JADE2: variants seen among roughly 807,000 people sequenced by gnomAD.
JADE2 encodes jade family PHD finger 2.
JADE2 carries 13 observed loss-of-function variants against 85.7 expected under a neutral mutation model. That is an observed-to-expected ratio of 0.15 (90% CI 0.10 to 0.24). The LOEUF (loss-of-function observed/expected upper bound fraction) is 0.24. JADE2 is among the 10% of genes least tolerant of loss of function. JADE2 has a pLI of 1.00. For missense variants in JADE2, 846 were observed against 1,115.9 expected, an observed-to-expected ratio of 0.76 and a Z score of 3.45; for synonymous variants, 440 against 456.1, an observed-to-expected ratio of 0.96 and a Z score of 0.45.
At chr5:134,573,113 C>G (rs949818654) in intron 9 of JADE2, among the ~76,000 whole-genome samples, 2 of 152,246 alleles carry the variant, frequency 1.3e-5, no homozygotes, top group Admixed American at 6.5e-5. Context: ...GCTGCAAGTA[C>G]CGGGGCCATT....
chr5:134,537,649 C>T (rs2097967515), intron 2 of JADE2, among the ~76,000 whole-genome samples: 1 of 152,172 alleles, frequency 6.6e-6, no homozygotes, highest in Non-Finnish European at 1.5e-5. Flanking sequence ...TAACCTGGGG[C>T]AGGGTGGAGT....
chr5:134,527,799 G>T (rs1330612007), intron 1 of JADE2, among the ~76,000 whole-genome samples: 2 of 152,206 alleles, frequency 1.3e-5, no homozygotes, highest in Non-Finnish European at 2.9e-5. Flanking sequence ...TTACCAGCTT[G>T]GCTGCTGGCC....
Position 134,539,206 on chromosome 5 carries a change from C to T in JADE2, c.153+1123C>T, listed in dbSNP as rs539569732. On this transcript the variant is annotated intron_variant, in intron 3 of 11. Coordinates refer to ENST00000681547, the MANE Select transcript of JADE2 (RefSeq NM_001388185.1). Reference sequence around the variant, plus strand: ...CCTCCCGAGTGGCTGGGACTACAGGCGCCCGCCACCACACCCGGCTAATTT... The same window carrying T: ...CCTCCCGAGTGGCTGGGACTACAGGTGCCCGCCACCACACCCGGCTAATTT... Among the ~76,000 whole-genome samples the T allele has an allele frequency of 4.6e-5, 7 of 152,048 alleles. No homozygotes were observed. In the South Asian group the frequency reaches 8.3e-4, roughly 18 times the overall value.
rs1040675531 is a variant in JADE2, at chr5:134,578,859, G to A, written c.2047G>A (p.Gly683Ser). Residue 683 changes from glycine to serine, a missense_variant, in exon 12 of 12, where the codon GGT becomes AGT. Physicochemically the swap from Gly to Ser is moderately conservative, Grantham distance 56. Coordinates refer to ENST00000681547, the MANE Select transcript of JADE2 (RefSeq NM_001388185.1). This position sits in a 1 kb window ranked among gnomAD's most constrained non-coding sequence, Gnocchi z 4.4. ...WGQDAGSGKG[G>S]QGPPTRKPPR... ...CCAGGATGCAGGCAGTGGCAAGGGG[G>A]GTCAAGGGCCACCTACCAGGAAGCC... is the stretch of plus-strand genomic sequence containing the variant. 2.5e-6 allele frequency: 4 copies of A among 1,613,778 alleles called. No individual in the cohort carries two copies. Among genetic ancestry groups the A allele is most frequent in the African/African-American group, 1.3e-5 (1 of 75,022 alleles).
intron 1 of JADE2, among the ~76,000 whole-genome samples, chr5:134,532,577 G>A (rs998152591): frequency 6.6e-6 from 1 of 152,122 alleles, no homozygotes; most frequent in African/African-American, 2.4e-5. Flanking sequence ...TTCTGTCCTC[G>A]AAAGCAAGTG....
At chr5:134,551,330 G>A (rs760169610) in intron 3 of JADE2, among the ~76,000 whole-genome samples, 74 of 152,238 alleles carry the variant, frequency 4.9e-4, no homozygotes, top group Non-Finnish European at 8.4e-4. Context: ...CTGGGCTCAA[G>A]CAATCCTTCC....
chr5:134,570,370 C>T (rs191233019), intron 9 of JADE2, among the ~76,000 whole-genome samples: 13 of 147,968 alleles, frequency 8.8e-5, no homozygotes, highest in Non-Finnish European at 7.4e-5. Context: ...CTGCAGCTGA[C>T]GAGTCTGTCT....
In JADE2 at chr5:134,566,493, C is replaced by T. The variant is rs760282590; in HGVS notation, c.1347C>T (p.Asp449=). The change falls in exon 9 of 12, where the codon GAC becomes GAT. Residue 449 remains aspartate (D), a synonymous_variant. Coordinates refer to ENST00000681547, the MANE Select transcript of JADE2 (RefSeq NM_001388185.1). This position sits in a 1 kb window ranked among gnomAD's most constrained non-coding sequence, Gnocchi z 6.7. Reference sequence around the variant, plus strand: ...AGCCGCTGCTGACCCCCAAGACCGACGAGGTGGACAACCTGGCCCAGCAGG... The same window carrying T: ...AGCCGCTGCTGACCCCCAAGACCGATGAGGTGGACAACCTGGCCCAGCAGG... ...ANQPLLTPKT[D]EVDNLAQQEQ... 6.8e-6 allele frequency: 11 copies of T among 1,611,370 alleles called. No homozygotes were observed. Among genetic ancestry groups the T allele is most frequent in the African/African-American group, 6.7e-5 (5 of 74,842 alleles).
At chr5:134,571,473 C>T (rs780412172) in intron 9 of JADE2, among the ~76,000 whole-genome samples, 4 of 152,110 alleles carry the variant, frequency 2.6e-5, no homozygotes, top group Admixed American at 6.5e-5. Flanking sequence ...CCAAGGTGGG[C>T]GGATCAGGAG....
chr5:134,535,824 T>C (rs896364024), intron 1 of JADE2, 34 bp from the exon 2 acceptor site: 1 of 1,602,370 alleles, frequency 6.2e-7, no homozygotes, highest in East Asian at 2.2e-5. Context: ...TCCCAAGCCA[T>C]CCGTGAGTAT....
In JADE2 at chr5:134,566,064, C is replaced by T. The variant is rs377416535; in HGVS notation, c.970-52C>T. 2,444 of 1,497,018 alleles carry T rather than the reference C, an allele frequency of 1.6e-3. 2 individuals carry two copies. Among genetic ancestry groups the T allele is most frequent in the Non-Finnish European group, 2.1e-3 (2,339 of 1,088,348 alleles). The allele number at this position is 1,497,018 out of a possible 1,614,324, so 92.7% of individuals were successfully genotyped here. On this transcript the variant is annotated intron_variant, in intron 8 of 11. Coordinates refer to ENST00000681547, the MANE Select transcript of JADE2 (RefSeq NM_001388185.1). This position sits in a 1 kb window ranked among gnomAD's most constrained non-coding sequence, Gnocchi z 6.7. ...CTGGGGGAAGCCCCTCTGTCTTCTC[C>T]CCTCCCACCAGGCTCCCTCCATGTC... is the stretch of plus-strand genomic sequence containing the variant.
chr5:134,536,061 A>G (rs1261469303), intron 2 of JADE2, 146 bp downstream of exon 2: 1 of 704,828 alleles, frequency 1.4e-6, no homozygotes, highest in Non-Finnish European at 2.4e-6. Context: ...AGGTTTCTCC[A>G]CTCCTGCCCT....
chr5:134,540,229 T>TA (rs2149891015), intron 3 of JADE2, among the ~76,000 whole-genome samples: 1 of 152,076 alleles, frequency 6.6e-6, no homozygotes. Context: ...TTTTTCCTTT[T>TA]TACTTTTGAG....
chr5:134,526,838 G>C, intron 1 of JADE2: 1 of 862,328 alleles, frequency 1.2e-6, no homozygotes, highest in East Asian at 1.2e-4. Flanking sequence ...GGGGCCGCGC[G>C]GTAGTCCAGC....
chr5:134,526,480 A>T, intron 1 of JADE2: 1 of 985,040 alleles, frequency 1.0e-6, no homozygotes, highest in Non-Finnish European at 1.2e-6. Flanking sequence ...ACCTGGAGCT[A>T]TCTGCCCTCC....
At position 134,580,735 on chromosome 5, in the gene JADE2, T is replaced by G. The variant is rs1408208516; in HGVS notation, c.*1418T>G. 1.3e-5 allele frequency: 2 copies of G among 152,530 alleles called. No individual in the cohort carries two copies. The highest frequency in any genetic ancestry group is 2.9e-5 in the Non-Finnish European group (2 of 68,024). The allele number at this position is 152,530 out of a possible 1,614,324, so 9.4% of individuals were successfully genotyped here. On this transcript the variant is annotated 3_prime_UTR_variant, in exon 12 of 12. Transcript: ENST00000681547. ...TACAGCACAGCCTGGACCTGACAAC[T>G]TGTCATTTGGACTTTTTTTTAAATG...
intron 1 of JADE2, among the ~76,000 whole-genome samples, chr5:134,532,210 C>G (rs1224670164): frequency 6.6e-6 from 1 of 152,098 alleles, no homozygotes; most frequent in East Asian, 1.9e-4. Flanking sequence ...AAACATCACT[C>G]TGGCAGCTGT....
chr5:134,525,332 G>A (rs1055088594), upstream of JADE2, among the ~76,000 whole-genome samples: 5 of 152,030 alleles, frequency 3.3e-5, no homozygotes, highest in Non-Finnish European at 7.4e-5. Context: ...GCCGCCGCTC[G>A]GGCCCGGCCC....
intron 7 of JADE2, among the ~76,000 whole-genome samples, chr5:134,563,315 A>C (rs1031282030): frequency 1.0e-5 from 1 of 96,656 alleles, no homozygotes; most frequent in Non-Finnish European, 2.5e-5. Context: ...GAGACTGTTT[A>C]AAAAAAAAAA....
Sources: gnomAD v4.1 joint callset for allele counts (sites outside exome capture counted in the v4.1 genomes callset) on GRCh38, gnomAD v4.1.1 for gene constraint, Gnocchi (gnomAD v3.1) non-coding constraint, MANE v1.5 for transcripts, NCBI Gene and HGNC (gene_info 2026-07-23, HGNC 2026-07-21) for gene names.